TMEFF1: variants seen among roughly 807,000 people sequenced by gnomAD.
TMEFF1 encodes tomoregulin-1.
TMEFF1 carries 20 observed loss-of-function variants against 47.5 expected under a neutral mutation model. The ratio of observed to expected loss-of-function variants is 0.42; its 90% CI spans 0.30 to 0.61. The LOEUF (loss-of-function observed/expected upper bound fraction) is 0.61, where lower values mean the gene tolerates loss of function less well. Among genes scored for constraint, TMEFF1 ranks in the 20% least tolerant of loss-of-function variants. The pLI is 0.19. For synonymous variants in TMEFF1, 162 were observed against 166.3 expected, an observed-to-expected ratio of 0.97 and a Z score of 0.20; for missense variants, 411 against 471.1, an observed-to-expected ratio of 0.87 and a Z score of 1.18.
At chr9:100,499,529 G>T (rs963962531) in intron 2 of TMEFF1, among the ~76,000 whole-genome samples, 1 of 152,034 alleles carries the variant, frequency 6.6e-6, no homozygotes, top group East Asian at 1.9e-4. Flanking sequence ...GATATGAGGC[G>T]AAAAAGGAAC....
intron 1 of TMEFF1, among the ~76,000 whole-genome samples, chr9:100,486,919 G>A (rs1256492047): frequency 6.6e-6 from 1 of 152,150 alleles, no homozygotes; most frequent in African/African-American, 2.4e-5. Context: ...ATGAACCACT[G>A]TGCCTGGCTA....
In TMEFF1 at chr9:100,498,891, T is replaced by G. The variant is rs532439123; in HGVS notation, c.306+17T>G. On this transcript the variant is annotated intron_variant, in intron 2 of 9. Coordinates refer to ENST00000374879, the MANE Select transcript of TMEFF1 (RefSeq NM_003692.5). Reference sequence around the variant, plus strand: ...CAATTTCAGGTGAGGAAACCCAGCCTATTTTGAAAAGTTTTATATTCTTCG... The same window carrying G: ...CAATTTCAGGTGAGGAAACCCAGCCGATTTTGAAAAGTTTTATATTCTTCG... 1.2e-6 allele frequency: 2 copies of G among 1,603,806 alleles called. No individual in the cohort carries two copies. The highest frequency in any genetic ancestry group is 1.7e-6 in the Non-Finnish European group (2 of 1,177,288).
chr9:100,555,708 T>C (rs1838903221), intron 7 of TMEFF1, among the ~76,000 whole-genome samples: 1 of 152,224 alleles, frequency 6.6e-6, no homozygotes, highest in South Asian at 2.1e-4. Flanking sequence ...TCATGTTGAG[T>C]AACCTGGCTG....
At chr9:100,564,539 A>C (rs1419309894) in intron 8 of TMEFF1, among the ~76,000 whole-genome samples, 1 of 152,182 alleles carries the variant, frequency 6.6e-6, no homozygotes, top group Non-Finnish European at 1.5e-5. Context: ...ATAATATGGA[A>C]AATGCTATCA....
chr9:100,516,032 A>T (rs1931141), intron 4 of TMEFF1, among the ~76,000 whole-genome samples: 36,291 of 151,120 alleles, frequency 0.24, 4,890 homozygotes, highest in African/African-American at 0.36. Flanking sequence ...TAGTGTTTTT[A>T]TTTTTTTCTT....
chr9:100,500,123 A>G (rs1299660366), intron 2 of TMEFF1, among the ~76,000 whole-genome samples: 1 of 152,220 alleles, frequency 6.6e-6, no homozygotes, highest in Non-Finnish European at 1.5e-5. Context: ...GACTTTAGCC[A>G]GAATGAAATG....
chr9:100,543,826 A>G (rs1012966211), intron 5 of TMEFF1, among the ~76,000 whole-genome samples: 6 of 151,924 alleles, frequency 3.9e-5, no homozygotes, highest in African/African-American at 1.2e-4. Context: ...GGGTTGGACA[A>G]GCTTGGCCTA....
At chr9:100,506,818 CT>C (rs1442666062) in intron 2 of TMEFF1, among the ~76,000 whole-genome samples, 2 of 146,338 alleles carry the variant, frequency 1.4e-5, no homozygotes, top group Admixed American at 6.8e-5. Context: ...TATATATGTG[CT>C]TTTTGCCTAA....
At chr9:100,520,533 C>T (rs1838143101) in intron 5 of TMEFF1, among the ~76,000 whole-genome samples, 1 of 152,164 alleles carries the variant, frequency 6.6e-6, no homozygotes, top group South Asian at 2.1e-4. Flanking sequence ...AGTTAATTTT[C>T]TGCTATTAAG....
chr9:100,517,357 T>C lies in TMEFF1; in HGVS notation c.560+586T>C, dbSNP rs139782129. ...TGGATCTTCTTCACTTCCTCAGTTTTCACTTAGTATCTATTTTAAAACATT... is the reference window on the plus strand; with the variant it reads ...TGGATCTTCTTCACTTCCTCAGTTTCCACTTAGTATCTATTTTAAAACATT... On this transcript the variant is annotated intron_variant, in intron 5 of 9. Coordinates refer to ENST00000374879, the MANE Select transcript of TMEFF1 (RefSeq NM_003692.5). Among the ~76,000 whole-genome samples, 756 of 152,342 alleles carry C rather than the reference T, an allele frequency of 5.0e-3. 6 individuals are homozygous for C. The highest frequency in any genetic ancestry group is 0.017 in the African/African-American group (708 of 41,586).
chr9:100,508,861 CT>C, intron 2 of TMEFF1, 143 bp from the exon 3 acceptor site: 1 of 1,095,814 alleles, frequency 9.1e-7, no homozygotes, highest in Non-Finnish European at 1.1e-6. Flanking sequence ...TAGCATAATT[CT>C]TTTTAAGCCA....
At chr9:100,562,062 C>T (rs1184304327) in intron 8 of TMEFF1, among the ~76,000 whole-genome samples, 11 of 152,104 alleles carry the variant, frequency 7.2e-5, no homozygotes, top group African/African-American at 9.7e-5. Context: ...TCAGACTTTC[C>T]GATACCCTAC....
At chr9:100,503,096 C>T (rs773697540) in intron 2 of TMEFF1, among the ~76,000 whole-genome samples, 1 of 152,256 alleles carries the variant, frequency 6.6e-6, no homozygotes, top group South Asian at 2.1e-4. Flanking sequence ...CCCATTAAAC[C>T]CTTCTCTGCT....
intron 5 of TMEFF1, among the ~76,000 whole-genome samples, chr9:100,541,886 G>A (rs1417995899): frequency 1.3e-5 from 2 of 151,890 alleles, no homozygotes; most frequent in African/African-American, 2.4e-5. Context: ...TATACCCAGG[G>A]TGATGTATCT....
At chr9:100,495,221 C>G (rs1837629924) in intron 1 of TMEFF1, among the ~76,000 whole-genome samples, 1 of 152,052 alleles carries the variant, frequency 6.6e-6, no homozygotes, top group Non-Finnish European at 1.5e-5. Context: ...CATTGTTTTC[C>G]TAGATAAAAA....
intron 5 of TMEFF1, among the ~76,000 whole-genome samples, chr9:100,543,936 A>G (rs1038736163): frequency 6.6e-6 from 1 of 152,146 alleles, no homozygotes; most frequent in African/African-American, 2.4e-5. Flanking sequence ...ACTTAATTAC[A>G]GCCCTGTGTG....
rs577882413 is a variant in TMEFF1 at position 100,482,160 on chromosome 9, C to T, written c.196+8420C>T. The stretch of plus-strand genomic sequence containing the variant: ...TTCACTTGGCAATCTATTTTTCTGC[C>T]GACTCTTCTTCTTCTTCTTTTCTTT... On this transcript the variant is annotated intron_variant, in intron 1 of 9. Transcript: ENST00000374879. Among the ~76,000 whole-genome samples, 34 of 151,626 alleles carry T rather than the reference C, an allele frequency of 2.2e-4. No individual in the cohort carries two copies. The South Asian group carries it at 2.7e-3, about 12-fold the overall frequency.
intron 5 of TMEFF1, among the ~76,000 whole-genome samples, chr9:100,534,369 A>G (rs1403359788): frequency 1.3e-5 from 2 of 151,980 alleles, no homozygotes. Context: ...TGTCAGGGTT[A>G]GATGAGGCAA....
chr9:100,550,649 A>G (rs1198709671), intron 7 of TMEFF1, among the ~76,000 whole-genome samples: 1 of 152,170 alleles, frequency 6.6e-6, no homozygotes, highest in Non-Finnish European at 1.5e-5. Context: ...CCTTTCCTGT[A>G]TACTCCCCTC....
Sources: allele counts gnomAD v4.1 joint callset (sites outside exome capture counted in the v4.1 genomes callset), GRCh38; gene constraint gnomAD v4.1.1; transcripts MANE v1.5; gene names NCBI Gene and HGNC (gene_info 2026-07-23, HGNC 2026-07-21).